The following CYB5RL variants were observed in gnomAD, a reference collection of about 807,000 sequenced individuals.
CYB5RL encodes the protein NADH-cytochrome b5 reductase-like.
Under a neutral mutation model 37.5 loss-of-function variants are expected in CYB5RL, and 38 were observed. That is an observed-to-expected ratio of 1.01 (90% CI 0.78 to 1.33). The LOEUF (loss-of-function observed/expected upper bound fraction) is 1.33, where lower values mean the gene tolerates loss of function less well. CYB5RL is among the 40% of genes most tolerant of loss of function. The pLI, the probability that CYB5RL is intolerant of heterozygous loss-of-function variation, is 0.00. For missense variants in CYB5RL, 388 were observed against 394.4 expected, an observed-to-expected ratio of 0.98 and a Z score of 0.14; for synonymous variants, 141 against 151.9, an observed-to-expected ratio of 0.93 and a Z score of 0.53.
intron 1 of CYB5RL, among the ~76,000 whole-genome samples, chr1:54,197,115 A>G (rs554863951): frequency 6.6e-6 from 1 of 152,126 alleles, no homozygotes; most frequent in Non-Finnish European, 1.5e-5. Flanking sequence ...GTGCCTGTGG[A>G]GCATCCAAGT....
At chr1:54,174,933 A>T in intron 7 of CYB5RL, 111 bp from the exon 8 acceptor site, 1 of 1,119,236 alleles carries the variant, frequency 8.9e-7, no homozygotes, top group Non-Finnish European at 1.3e-6. Context: ...GGGTGTAGGA[A>T]GCCAACCTAT....
intron 4 of CYB5RL, among the ~76,000 whole-genome samples, chr1:54,190,304 C>G (rs1380762890): frequency 6.6e-6 from 1 of 152,242 alleles, no homozygotes; most frequent in African/African-American, 2.4e-5. Context: ...GCCCTTTATT[C>G]TCAATTCTAT....
intron 5 of CYB5RL, chr1:54,186,080 C>T (rs765982683): frequency 3.0e-4 from 47 of 155,370 alleles, no homozygotes; most frequent in Non-Finnish European, 1.7e-4. Flanking sequence ...CCCTTTCTTT[C>T]ATAAATTGCC....
In CYB5RL at chr1:54,171,362, A is replaced by T; in HGVS notation, c.*3257T>A. On this transcript the variant is annotated 3_prime_UTR_variant, in exon 8 of 8. Transcript: ENST00000534324. ...GGCCCTACCCCAAGGCCACAGGGAG[A>T]CAGGGAAGGATTTCAAGCAGGGGAG... The T allele has an allele frequency of 2.2e-6, 1 of 456,394 alleles. No homozygotes were observed. The highest frequency in any genetic ancestry group is 4.4e-6 in the Non-Finnish European group (1 of 226,810). 28.3% of individuals were successfully genotyped at this position (456,394 alleles called of 1,614,324 possible). A position where few individuals can be genotyped will look rare whatever the true frequency, so the allele number is the denominator to read the frequency against.
chr1:54,187,653 T>C lies in CYB5RL; in HGVS notation c.434A>G (p.Lys145Arg), dbSNP rs374112885. 1.2e-6 allele frequency: 2 copies of C among 1,613,830 alleles called. No homozygotes were observed. The highest frequency in any genetic ancestry group is 2.7e-5 in the African/African-American group (2 of 74,924). ...NAEGYFEVLI[K>R]CYQMGLMSRY... ...GAGCATCCTCAAGGGTCAACTCACC[T>C]TAATTAACACTTCAAAGTATCCTTC... The change falls in exon 5 of 8, where the codon AAG becomes AGG. Residue 145 changes from lysine to arginine, a missense_variant and splice_region_variant. Transcript: ENST00000534324.
chr1:54,177,821 C>T (rs902597305), intron 7 of CYB5RL, among the ~76,000 whole-genome samples: 4 of 152,148 alleles, frequency 2.6e-5, no homozygotes, highest in Admixed American at 6.5e-5. Context: ...GGTGAGCAGC[C>T]GGAGGGCTGG....
chr1:54,179,293 C>A lies in CYB5RL; in HGVS notation c.600G>T (p.Leu200=). 2 of 1,613,836 alleles carry A rather than the reference C, an allele frequency of 1.2e-6. No homozygotes were observed. The highest frequency in any genetic ancestry group is 1.7e-5 in the Admixed American group (1 of 60,012). The change falls in exon 7 of 8, where the codon CTG becomes CTT. Residue 200 remains leucine (L), a synonymous_variant. Coordinates refer to ENST00000534324, the MANE Select transcript of CYB5RL (RefSeq NM_001031672.4). ...GTGLAPMVPI[L]QSITDNENDE... ...CATTCTCATTGTCTGTGATGCTCTGCAGGATAGGCACCATGGGGGCCAGGC... is the reference window on the plus strand; with the variant it reads ...CATTCTCATTGTCTGTGATGCTCTGAAGGATAGGCACCATGGGGGCCAGGC...
chr1:54,174,893 T>A, intron 7 of CYB5RL, 71 bp from the exon 8 acceptor site: 1 of 1,509,150 alleles, frequency 6.6e-7, no homozygotes, highest in East Asian at 2.3e-5. Flanking sequence ...CAGCCAGCTC[T>A]CCTCTGCAAA....
chr1:54,173,602 T>C lies in CYB5RL; in HGVS notation c.*1017A>G, dbSNP rs1489759358. 6.6e-6 allele frequency: 1 copy of C among 152,258 alleles called. No individual in the cohort carries two copies. Among genetic ancestry groups the C allele is most frequent in the Non-Finnish European group, 1.5e-5 (1 of 68,038 alleles). 9.4% of individuals were successfully genotyped at this position (152,258 alleles called of 1,614,324 possible). A position where few individuals can be genotyped will look rare whatever the true frequency, so the allele number is the denominator to read the frequency against. ...GCTTTGATATGGTGAAGAGTACATTTCTATGACTATAAAAGTCTAACTCTA... is the reference window on the plus strand; with the variant it reads ...GCTTTGATATGGTGAAGAGTACATTCCTATGACTATAAAAGTCTAACTCTA... On this transcript the variant is annotated 3_prime_UTR_variant, in exon 8 of 8. Transcript: ENST00000534324.
intron 6 of CYB5RL, chr1:54,180,263 C>T (rs1440208494): frequency 2.5e-6 from 1 of 398,706 alleles, no homozygotes; most frequent in Non-Finnish European, 4.8e-6. Context: ...GGTGAGTTCC[C>T]ACCCCAGGAG....
rs1003204436 is a variant in CYB5RL, at chr1:54,184,056, T to C, written c.540+105A>G. On this transcript the variant is annotated intron_variant, in intron 6 of 7. Coordinates refer to ENST00000534324, the MANE Select transcript of CYB5RL (RefSeq NM_001031672.4). The stretch of plus-strand genomic sequence containing the variant: ...TCCAACCCCAAGGATACACCTGGGA[T>C]TGTGTTTGAGCTCAAGGAGAATGGC... 1.4e-5 allele frequency: 12 copies of C among 864,348 alleles called. No individual in the cohort carries two copies. The African/African-American group carries it at 1.7e-4, about 12-fold the overall frequency. 53.5% of individuals were successfully genotyped at this position (864,348 alleles called of 1,614,324 possible).
Position 54,179,068 on chromosome 1 carries a change from A to T in CYB5RL, c.744+81T>A, listed in dbSNP as rs963994749. ...TGACCACAGCATCCATTGCCAAAAG[A>T]GGCTAGAGCTGGTCCTCAGGACAGG... On this transcript the variant is annotated intron_variant, in intron 7 of 7. Transcript: ENST00000534324. 4.7e-6 allele frequency: 7 copies of T among 1,492,402 alleles called. No homozygotes were observed. The African/African-American group carries it at 7.0e-5, about 15-fold the overall frequency. The allele number at this position is 1,492,402 out of a possible 1,614,324, so 92.4% of individuals were successfully genotyped here.
rs549273445 is a variant in CYB5RL, at chr1:54,171,739, A to T, written c.*2880T>A. ...GGTGGCCACGCCTCCCACAACACGC[A>T]GTGGGCATCATCAGAGGAACAGCAG... On this transcript the variant is annotated 3_prime_UTR_variant, in exon 8 of 8. Transcript: ENST00000534324. The T allele has an allele frequency of 7.8e-5, 26 of 334,254 alleles. No homozygotes were observed. Among genetic ancestry groups the T allele is most frequent in the African/African-American group, 5.1e-4 (24 of 46,610 alleles). 20.7% of individuals were successfully genotyped at this position (334,254 alleles called of 1,614,324 possible). A position where few individuals can be genotyped will look rare whatever the true frequency, so the allele number is the denominator to read the frequency against.
At chr1:54,189,189 T>TATAAATAAATAA (rs10624673) in intron 4 of CYB5RL, among the ~76,000 whole-genome samples, 54 of 150,462 alleles carry the variant, frequency 3.6e-4, no homozygotes, top group African/African-American at 1.1e-3. Context: ...TCTCAAAAAA[T>TATAAATAAATAA]ATAAATAAAT....
At chr1:54,197,321 T>TC (rs1201754223) in intron 1 of CYB5RL, among the ~76,000 whole-genome samples, 5 of 147,928 alleles carry the variant, frequency 3.4e-5, no homozygotes, top group African/African-American at 9.9e-5. Flanking sequence ...TCTTTTCTTT[T>TC]TTTTTTTTTT....
intron 6 of CYB5RL, among the ~76,000 whole-genome samples, chr1:54,183,230 T>G (rs925192506): frequency 1.2e-4 from 19 of 152,344 alleles, no homozygotes; most frequent in African/African-American, 4.6e-4. Flanking sequence ...TTTACCTAAC[T>G]GTTCCCCTGC....
rs1294762412 is a variant in CYB5RL, at chr1:54,188,777, C to T, written c.348-1038G>A. On this transcript the variant is annotated intron_variant, in intron 4 of 7. Transcript: ENST00000534324. ...CTTCCCAGAAGCTTCCCTAAGCAGTCTTCTCTCAAGTCCTACTACGTACAA... is the reference window on the plus strand; with the variant it reads ...CTTCCCAGAAGCTTCCCTAAGCAGTTTTCTCTCAAGTCCTACTACGTACAA... 2.6e-5 allele frequency among the ~76,000 whole-genome samples: 4 copies of T among 152,214 alleles called. 1 individual carries two copies. The highest frequency in any genetic ancestry group is 2.6e-4 in the Admixed American group (4 of 15,284).
At chr1:54,188,959 C>T (rs1570113529) in intron 4 of CYB5RL, among the ~76,000 whole-genome samples, 1 of 152,110 alleles carries the variant, frequency 6.6e-6, no homozygotes, top group Non-Finnish European at 1.5e-5. Context: ...CCAAAGTGGG[C>T]GGATCACGAG....
At chr1:54,180,623 A>T (rs1451656085) in intron 6 of CYB5RL, among the ~76,000 whole-genome samples, 2 of 151,248 alleles carry the variant, frequency 1.3e-5, no homozygotes, top group African/African-American at 4.9e-5. Context: ...AAAAAAAAAG[A>T]GGGGTGACCC....
Sources: allele counts gnomAD v4.1 joint callset (sites outside exome capture counted in the v4.1 genomes callset), GRCh38; gene constraint gnomAD v4.1.1; transcripts MANE v1.5; gene names NCBI Gene and HGNC (gene_info 2026-07-23, HGNC 2026-07-21).